Variants in ZNF335 observed in about 807,000 individuals in gnomAD.
ZNF335 encodes the protein NRC-interacting factor 1.
Under a neutral mutation model 145.6 loss-of-function variants are expected in ZNF335, and 84 were observed. The observed-to-expected ratio is 0.58, with a 90% confidence interval of 0.48 to 0.69. The LOEUF (loss-of-function observed/expected upper bound fraction) is 0.69, where lower values mean the gene tolerates loss of function less well. Among genes scored for constraint, ZNF335 ranks in the 30% least tolerant of loss-of-function variants. The pLI is 0.00. For synonymous variants in ZNF335, 761 were observed against 717.0 expected, an observed-to-expected ratio of 1.06 and a Z score of -0.98; for missense variants, 1,865 against 1,809.7, an observed-to-expected ratio of 1.03 and a Z score of -0.55.
chr20:45,971,640 G>A (rs963777839), intron 1 of ZNF335, 180 bp from the exon 2 acceptor site: 24 of 985,370 alleles, frequency 2.4e-5, no homozygotes, highest in Middle Eastern at 5.2e-4. Context: ...GAGAAGCTGT[G>A]CTTCCCAGGC....
At chr20:45,951,832 C>T (rs1189223181) in intron 20 of ZNF335, among the ~76,000 whole-genome samples, 1 of 152,220 alleles carries the variant, frequency 6.6e-6, no homozygotes, top group Non-Finnish European at 1.5e-5. Flanking sequence ...GCCTTTGCTC[C>T]TAGAGGCCCA....
chr20:45,951,038 A>G (rs374196956), intron 20 of ZNF335, among the ~76,000 whole-genome samples: 1 of 152,220 alleles, frequency 6.6e-6, no homozygotes, highest in Non-Finnish European at 1.5e-5. Context: ...GATTACTGGC[A>G]TGCGCCACCA....
intron 20 of ZNF335, 74 bp from the exon 21 acceptor site, chr20:45,950,669 C>A: frequency 1.9e-6 from 3 of 1,583,320 alleles, no homozygotes; most frequent in Non-Finnish European, 2.6e-6. Context: ...TCCCTGCTGA[C>A]AGCTGGTCAG....
At chr20:45,955,350 C>CAAAAAAAAAA (rs61555698) in intron 17 of ZNF335, among the ~76,000 whole-genome samples, 10,362 of 37,200 alleles carry the variant, frequency 0.28, 4,022 homozygotes, top group Non-Finnish European at 0.33. Flanking sequence ...GACTCTGTCT[C>CAAAAAAAAAA]AAAAAAAAAA....
At chr20:45,969,889 C>G in intron 2 of ZNF335, 198 bp from the exon 3 acceptor site, 1 of 595,364 alleles carries the variant, frequency 1.7e-6, no homozygotes. Context: ...GTCACAGGGT[C>G]CCTGGATCTC....
At chr20:45,957,448 G>T (rs1233647969) in intron 17 of ZNF335, 138 bp downstream of exon 17, 14 of 775,050 alleles carry the variant, frequency 1.8e-5, no homozygotes, top group Non-Finnish European at 2.9e-5. Context: ...GACTTCAGCA[G>T]ATCTGTCTCC....
chr20:45,968,271 A>C lies in ZNF335; in HGVS notation c.520+14T>G, dbSNP rs768298799. ...CACTGCAGGCCTCCCCGATTCTGGC[A>C]CCTGGGGTCTTACCATCATCTGGGC... On this transcript the variant is annotated intron_variant, in intron 4 of 27. Coordinates refer to ENST00000322927, the MANE Select transcript of ZNF335 (RefSeq NM_022095.4). 1 of 1,610,756 alleles carries C rather than the reference A, an allele frequency of 6.2e-7. No individual in the cohort carries two copies. The highest frequency in any genetic ancestry group is 8.5e-7 in the Non-Finnish European group (1 of 1,177,480).
chr20:45,952,064 G>A lies in ZNF335; in HGVS notation c.3189+83C>T, dbSNP rs998043463. On this transcript the variant is annotated intron_variant, in intron 20 of 27. Transcript: ENST00000322927. ...CAGAGGAGAGCAGAGGATCTGGCTT[G>A]AAAGGGCACTCATTAAAGGTTTGTT... 41 of 1,495,262 alleles carry A rather than the reference G, an allele frequency of 2.7e-5. 1 individual carries two copies. In the Admixed American group the frequency reaches 4.2e-4, roughly 15 times the overall value. 92.6% of individuals were successfully genotyped at this position (1,495,262 alleles called of 1,614,324 possible). A position where few individuals can be genotyped will look rare whatever the true frequency, so the allele number is the denominator to read the frequency against.
At chr20:45,968,402 G>T (rs752721560) in intron 3 of ZNF335, 40 bp from the exon 4 acceptor site, 3 of 1,586,104 alleles carry the variant, frequency 1.9e-6, no homozygotes, top group African/African-American at 1.3e-5. Context: ...CCTGGGGAGG[G>T]GGTCCCAGCA....
chr20:45,961,255 C>T (rs1157658543), intron 10 of ZNF335, among the ~76,000 whole-genome samples: 6 of 152,108 alleles, frequency 3.9e-5, no homozygotes, highest in Non-Finnish European at 7.4e-5. Context: ...GCCGGGTGTG[C>T]TGGTTAGCAC....
At chr20:45,968,614 G>C (rs1258627347) in intron 3 of ZNF335, 14 of 435,336 alleles carry the variant, frequency 3.2e-5, no homozygotes, top group Non-Finnish European at 5.9e-5. Context: ...AGCTACACCA[G>C]CTGCCCAGGC....
chr20:45,967,764 G>T lies in ZNF335; in HGVS notation c.784C>A (p.Arg262Ser). 1 of 1,613,120 alleles carries T rather than the reference G, an allele frequency of 6.2e-7. No individual in the cohort carries two copies. Among genetic ancestry groups the T allele is most frequent in the Non-Finnish European group, 8.5e-7 (1 of 1,179,890 alleles). The change falls in exon 5 of 28, where the codon CGC (arginine) becomes AGC (serine). Residue 262 changes from arginine (R) to serine (S), a missense_variant. Arg to Ser is a moderately radical substitution (Grantham distance 110). Coordinates refer to ENST00000322927, the MANE Select transcript of ZNF335 (RefSeq NM_022095.4). ...CGGAAGTGGCGTTCCCGCATGTGGC[G>T]CAGCAGTGTGGCCTTGGTGCTGCTC... ...YRSSTKATLL[R>S]HMRERHFRPV...
chr20:45,959,316 G>A lies in ZNF335; in HGVS notation c.2138C>T (p.Pro713Leu), dbSNP rs763101704. ...GCGACGGCGGGAGGGGGGCTCCTCA[G>A]GGTGGCGCCTCCCCCATTCCTCGAA... ...SSFEEWGRRH[P>L]EEPPSRRRPF... The change falls in exon 15 of 28, where the codon CCT becomes CTT. Residue 713 changes from proline (P) to leucine (L), a missense_variant. Transcript: ENST00000322927. 3 of 1,581,978 alleles carry A rather than the reference G, an allele frequency of 1.9e-6. No homozygotes were observed. Among genetic ancestry groups the A allele is most frequent in the Non-Finnish European group, 2.6e-6 (3 of 1,161,484 alleles).
Position 45,949,150 on chromosome 20 carries a change from C to T in ZNF335, c.3901+20G>A. 2.5e-6 allele frequency: 4 copies of T among 1,613,616 alleles called. No individual in the cohort carries two copies. The highest frequency in any genetic ancestry group is 3.4e-6 in the Non-Finnish European group (4 of 1,179,940). On this transcript the variant is annotated intron_variant, in intron 27 of 27. Transcript: ENST00000322927. ...TGGGTCCATACCCAGCCCCATGCTC[C>T]TCAGGATCCAGCTCCATACCTGTGA...
chr20:45,949,466 C>A lies in ZNF335; in HGVS notation c.3753+19G>T, dbSNP rs778695885. On this transcript the variant is annotated intron_variant, in intron 25 of 27. Coordinates refer to ENST00000322927, the MANE Select transcript of ZNF335 (RefSeq NM_022095.4). The stretch of plus-strand genomic sequence containing the variant: ...GCAGCCCTTCACCACACAGCACCCT[C>A]ATCCCAGGTCTGGCCTACCTGGATG... The A allele has an allele frequency of 6.2e-7, 1 of 1,613,970 alleles. No homozygotes were observed. Among genetic ancestry groups the A allele is most frequent in the South Asian group, 1.1e-5 (1 of 91,080 alleles).
intron 6 of ZNF335, 144 bp downstream of exon 6, chr20:45,967,350 G>A: frequency 7.6e-7 from 1 of 1,312,028 alleles, no homozygotes; most frequent in Non-Finnish European, 1.1e-6. Context: ...CCTGGTCCCA[G>A]AGCACAACCT....
In ZNF335 at chr20:45,959,309, C is replaced by T. The variant is rs1483754216; in HGVS notation, c.2145G>A (p.Glu715=). Residue 715 remains glutamate, a synonymous_variant, in exon 15 of 28, where the codon GAG becomes GAA. Coordinates refer to ENST00000322927, the MANE Select transcript of ZNF335 (RefSeq NM_022095.4). The part of the protein sequence containing the change: ...FEEWGRRHPE[E]PPSRRRPFFS... ...AGAAGGGGCGACGGCGGGAGGGGGGCTCCTCAGGGTGGCGCCTCCCCCATT... is the reference window on the plus strand; with the variant it reads ...AGAAGGGGCGACGGCGGGAGGGGGGTTCCTCAGGGTGGCGCCTCCCCCATT... 1 of 1,570,792 alleles carries T rather than the reference C, an allele frequency of 6.4e-7. No individual in the cohort carries two copies. Among genetic ancestry groups the T allele is most frequent in the African/African-American group, 1.4e-5 (1 of 73,234 alleles).
chr20:45,955,191 A>G (rs1181171487), intron 17 of ZNF335, among the ~76,000 whole-genome samples: 1 of 151,818 alleles, frequency 6.6e-6, no homozygotes, highest in Non-Finnish European at 1.5e-5. Context: ...TCTACTAAAA[A>G]TAAAAAAATA....
intron 6 of ZNF335, among the ~76,000 whole-genome samples, chr20:45,966,715 C>A (rs1218004789): frequency 6.6e-6 from 1 of 151,640 alleles, no homozygotes; most frequent in Non-Finnish European, 1.5e-5. Context: ...CCACACCCAG[C>A]TAATTTTTTG....
Sources: gnomAD v4.1 joint callset for allele counts (sites outside exome capture counted in the v4.1 genomes callset) on GRCh38, gnomAD v4.1.1 for gene constraint, MANE v1.5 for transcripts, NCBI Gene and HGNC (gene_info 2026-07-23, HGNC 2026-07-21) for gene names.